DST: variants seen among roughly 807,000 people sequenced by gnomAD.
DST encodes bullous pemphigoid antigen.
In DST, 253 loss-of-function variants were observed where a neutral mutation model predicts 875.2. That is an observed-to-expected ratio of 0.29 (90% confidence interval 0.26 to 0.32). The LOEUF (loss-of-function observed/expected upper bound fraction) is 0.32. Among genes scored for constraint, DST ranks in the 10% least tolerant of loss-of-function variants. DST has a pLI of 1.00. For synonymous variants in DST, 3,124 were observed against 3,197.1 expected (o/e 0.98, Z 0.77); for missense variants, 8,287 against 9,111.6 (o/e 0.91, Z 3.68).
intron 49 of DST, among the ~76,000 whole-genome samples, chr6:56,583,135 A>G (rs969802510): frequency 1.3e-5 from 2 of 152,150 alleles, no homozygotes; most frequent in African/African-American, 2.4e-5. Context: ...TGGGTCAAAT[A>G]GTATTTCTAG....
intron 4 of DST, among the ~76,000 whole-genome samples, chr6:56,849,286 G>A (rs886290748): frequency 2.6e-5 from 4 of 151,712 alleles, no homozygotes; most frequent in Non-Finnish European, 4.4e-5. Context: ...ACAGGCACAC[G>A]CCACCACGCC....
rs1014038182 is a variant in DST, at chr6:56,578,226, T to C, written c.13027+588A>G. Among the ~76,000 whole-genome samples, 3 of 152,096 alleles carry C rather than the reference T, an allele frequency of 2.0e-5. No individual in the cohort carries two copies. In the East Asian group the frequency reaches 5.8e-4, roughly 29 times the overall value. On this transcript the variant is annotated intron_variant, in intron 50 of 103. Coordinates refer to ENST00000680361, the MANE Select transcript of DST (RefSeq NM_001374736.1). ...TCTCTACAAAAAAAATTTAAAAAAT[T>C]AGCTGCACATGACAGAGCATTCCTG... is the stretch of plus-strand genomic sequence containing the variant.
chr6:56,692,975 C>T, intron 9 of DST: 1 of 1,289,784 alleles, frequency 7.8e-7, no homozygotes, highest in Non-Finnish European at 1.0e-6. Flanking sequence ...TTCTTCTTGC[C>T]TTCATTTTCA....
chr6:56,947,249 TC>T (rs1408988672), intron 2 of DST, among the ~76,000 whole-genome samples: 9 of 56,646 alleles, frequency 1.6e-4, no homozygotes, highest in South Asian at 3.0e-3. Flanking sequence ...TGCTACTCTC[TC>T]TTTTTTTTTT....
At chr6:56,784,227 A>G (rs1004666580) in intron 4 of DST, among the ~76,000 whole-genome samples, 4 of 152,188 alleles carry the variant, frequency 2.6e-5, no homozygotes, top group African/African-American at 9.7e-5. Context: ...CTCAAGGAGT[A>G]TCTTTGTGGC....
chr6:56,866,266 G>C (rs950229832), intron 3 of DST, among the ~76,000 whole-genome samples: 4 of 152,184 alleles, frequency 2.6e-5, no homozygotes, highest in Non-Finnish European at 4.4e-5. Context: ...CCAAAGTGCT[G>C]GGATTACAGG....
chr6:56,925,963 C>G (rs1437348293), intron 2 of DST, among the ~76,000 whole-genome samples: 1 of 152,146 alleles, frequency 6.6e-6, no homozygotes, highest in Non-Finnish European at 1.5e-5. Context: ...GGATTTTAGA[C>G]TTTCATAGTC....
intron 53 of DST, among the ~76,000 whole-genome samples, chr6:56,571,140 A>G (rs1282981298): frequency 6.6e-6 from 1 of 152,232 alleles, no homozygotes; most frequent in Non-Finnish European, 1.5e-5. Context: ...GGCAGTGCAC[A>G]TGCCCAGCAC....
intron 2 of DST, among the ~76,000 whole-genome samples, chr6:56,911,658 A>G (rs1798868178): frequency 6.6e-6 from 1 of 152,176 alleles, no homozygotes; most frequent in Non-Finnish European, 1.5e-5. Flanking sequence ...GCCTTAAAAT[A>G]TAGTATGTCT....
At chr6:56,629,138 T>C (rs926409219) in intron 32 of DST, 112 bp downstream of exon 32, 1 of 1,028,594 alleles carries the variant, frequency 9.7e-7, no homozygotes, top group African/African-American at 1.6e-5. Flanking sequence ...GGTATTGTAA[T>C]TAACAAATTA....
In DST at chr6:56,640,500, T is replaced by G. The variant is rs2152777592; in HGVS notation, c.2133A>C (p.Ser711=). The part of the protein sequence containing the change: ...LTTEQTKLMI[S]GITQSLNSGF... ...CTGAGTTTAAACTTTGAGTGATTCC[T>G]GATATCATGAGCTTTGTCTGTTCTG... The change falls in exon 18 of 104, where the codon TCA becomes TCC. Residue 711 remains serine (S), a synonymous_variant. Coordinates refer to ENST00000680361, the MANE Select transcript of DST (RefSeq NM_001374736.1). 6.2e-7 allele frequency: 1 copy of G among 1,614,190 alleles called. No homozygotes were observed. Among genetic ancestry groups the G allele is most frequent in the Non-Finnish European group, 8.5e-7 (1 of 1,180,010 alleles).
chr6:56,569,469 T>C (rs2097746750), intron 54 of DST, among the ~76,000 whole-genome samples: 1 of 152,080 alleles, frequency 6.6e-6, no homozygotes, highest in Non-Finnish European at 1.5e-5. Context: ...AAATAACTTC[T>C]CTTTCCAAAT....
At chr6:56,700,981 CTT>C (rs373838192) in intron 8 of DST, among the ~76,000 whole-genome samples, 9 of 128,446 alleles carry the variant, frequency 7.0e-5, no homozygotes, top group East Asian at 2.1e-4. Flanking sequence ...TTTCTCTTGC[CTT>C]TTTTTTTTTT....
chr6:56,855,774 C>A (rs1767569719), intron 3 of DST, among the ~76,000 whole-genome samples: 1 of 152,182 alleles, frequency 6.6e-6, no homozygotes, highest in African/African-American at 2.4e-5. Context: ...AGGACACCAT[C>A]CCATGGCAGG....
chr6:56,719,159 C>A (rs1316027216), intron 5 of DST, among the ~76,000 whole-genome samples: 1 of 151,994 alleles, frequency 6.6e-6, no homozygotes, highest in African/African-American at 2.4e-5. Flanking sequence ...TGTCAAAATT[C>A]AATAAAAATT....
rs938000497 is a variant in DST, at chr6:56,635,459, A to G, written c.3186+130T>C. 5.5e-6 allele frequency: 5 copies of G among 906,982 alleles called. No individual in the cohort carries two copies. The Admixed American group carries it at 7.3e-5, about 13-fold the overall frequency. The allele number at this position is 906,982 out of a possible 1,614,324, so 56.2% of individuals were successfully genotyped here. On this transcript the variant is annotated intron_variant, in intron 24 of 103. Coordinates refer to ENST00000680361, the MANE Select transcript of DST (RefSeq NM_001374736.1). ...GTTGCCAAAAGAATACTAAAACTGA[A>G]TGTGCAAATGTGTAATTGAATTAGT...
intron 79 of DST, 89 bp from the exon 80 acceptor site, chr6:56,501,324 T>C (rs1255897167): frequency 2.9e-6 from 4 of 1,394,850 alleles, no homozygotes; most frequent in African/African-American, 1.5e-5. Context: ...AATTGTTTCA[T>C]GTTGTATAAG....
At chr6:56,774,501 A>G (rs1378933377) in intron 4 of DST, among the ~76,000 whole-genome samples, 1 of 152,200 alleles carries the variant, frequency 6.6e-6, no homozygotes, top group Admixed American at 6.5e-5. Flanking sequence ...TTCAACACAT[A>G]TCAGTTCAAT....
chr6:56,610,439 C>A lies in DST; in HGVS notation c.5271G>T (p.Lys1757Asn). Residue 1757 changes from lysine (K) to asparagine (N), a missense_variant, in exon 39 of 104, where the codon AAG (lysine) becomes AAT (asparagine). Physicochemically the swap from Lys to Asn is moderately conservative, Grantham distance 94. Coordinates refer to ENST00000680361, the MANE Select transcript of DST (RefSeq NM_001374736.1). ...LQESQTSGDVKVEEKLDKVIA... is the reference protein window; with the variant it reads ...LQESQTSGDVNVEEKLDKVIA... ...TAAATAATATTACCTTCTCCTCTAC[C>A]TTTACATCTCCTGAGGTTTGTGATT... 1 of 1,558,896 alleles carries A rather than the reference C, an allele frequency of 6.4e-7. No homozygotes were observed.
Sources: allele counts gnomAD v4.1 joint callset (sites outside exome capture counted in the v4.1 genomes callset), GRCh38; gene constraint gnomAD v4.1.1; transcripts MANE v1.5; gene names NCBI Gene and HGNC (gene_info 2026-07-23, HGNC 2026-07-21).